LYPLAL1: variants seen among roughly 807,000 people sequenced by gnomAD.
LYPLAL1 encodes lysophospholipase like 1.
Under a neutral mutation model 19.7 loss-of-function variants are expected in LYPLAL1, and 23 were observed. That is an observed-to-expected ratio of 1.17 (90% CI 0.84 to 1.65). The LOEUF (loss-of-function observed/expected upper bound fraction) is 1.65, where lower values mean the gene tolerates loss of function less well. Ranked by LOEUF, LYPLAL1 falls within the 40% of genes most tolerant of loss-of-function variation. The pLI is 0.00. For synonymous variants in LYPLAL1, 119 were observed against 96.3 expected (o/e 1.24, Z -1.38); for missense variants, 355 against 279.4 (o/e 1.27, Z -1.93).
chr1:219,317,052 A>G, the LYPLAL1 span, among the ~76,000 whole-genome samples: 1 of 152,202 alleles, frequency 6.6e-6, no homozygotes. Flanking sequence ...ATTTTATGTT[A>G]TAGGTATTTT....
the LYPLAL1 span, among the ~76,000 whole-genome samples, chr1:219,254,258 G>A: frequency 6.6e-6 from 1 of 151,860 alleles, no homozygotes; most frequent in Non-Finnish European, 1.5e-5. Flanking sequence ...CCTTTTATTT[G>A]GGGCATTTAT....
chr1:219,252,193 A>G, the LYPLAL1 span, among the ~76,000 whole-genome samples: 5 of 152,028 alleles, frequency 3.3e-5, no homozygotes, highest in Non-Finnish European at 5.9e-5. Context: ...GGCTGAGACT[A>G]TGGGATCTTC....
chr1:219,362,153 C>T, the LYPLAL1 span, among the ~76,000 whole-genome samples: 2 of 152,056 alleles, frequency 1.3e-5, no homozygotes, highest in Non-Finnish European at 2.9e-5. Flanking sequence ...ACAACTTGTC[C>T]GAGGTAACCC....
the LYPLAL1 span, among the ~76,000 whole-genome samples, chr1:219,353,372 C>T: frequency 6.6e-6 from 1 of 152,242 alleles, no homozygotes; most frequent in African/African-American, 2.4e-5. Context: ...GCCATAGACA[C>T]AGTGAGAAAC....
chr1:219,320,968 G>A, the LYPLAL1 span, among the ~76,000 whole-genome samples: 9 of 152,294 alleles, frequency 5.9e-5, no homozygotes, highest in African/African-American at 1.7e-4. Flanking sequence ...TAATGGGATG[G>A]CTGGGTCAAA....
chr1:219,203,667 A>C (rs1346563531), intron 3 of LYPLAL1, among the ~76,000 whole-genome samples: 3 of 152,230 alleles, frequency 2.0e-5, no homozygotes, highest in Non-Finnish European at 4.4e-5. Context: ...CAAGGGACAC[A>C]TTAAATCCTT....
the LYPLAL1 span, among the ~76,000 whole-genome samples, chr1:219,377,338 G>A: frequency 6.6e-6 from 1 of 152,212 alleles, no homozygotes; most frequent in Non-Finnish European, 1.5e-5. Context: ...TAGAGAGAGT[G>A]AGGAATGGGG....
At chr1:219,350,546 C>G in the LYPLAL1 span, among the ~76,000 whole-genome samples, 246 of 152,268 alleles carry the variant, frequency 1.6e-3, no homozygotes, top group African/African-American at 5.5e-3. Flanking sequence ...TCACTGGGTT[C>G]AGGGAAACAT....
the LYPLAL1 span, among the ~76,000 whole-genome samples, chr1:219,269,137 G>A: frequency 1.8e-4 from 27 of 152,218 alleles, no homozygotes; most frequent in Admixed American, 1.2e-3. Flanking sequence ...TATGAATGGA[G>A]AGACTGGAGA....
the LYPLAL1 span, among the ~76,000 whole-genome samples, chr1:219,355,472 C>T: frequency 6.6e-6 from 1 of 152,024 alleles, no homozygotes. Flanking sequence ...ATGCATTACA[C>T]ACTCTGTTAA....
At chr1:219,238,928 T>A in the LYPLAL1 span, among the ~76,000 whole-genome samples, 1 of 152,202 alleles carries the variant, frequency 6.6e-6, no homozygotes, top group Non-Finnish European at 1.5e-5. Flanking sequence ...AAGATACTAT[T>A]TTTAAAATAT....
the LYPLAL1 span, among the ~76,000 whole-genome samples, chr1:219,352,440 C>T: frequency 1.3e-5 from 2 of 152,144 alleles, no homozygotes; most frequent in African/African-American, 4.8e-5. Context: ...ATGGCGTGAA[C>T]CCGGGAGGTG....
At chr1:219,393,004 C>A in the LYPLAL1 span, among the ~76,000 whole-genome samples, 1 of 152,144 alleles carries the variant, frequency 6.6e-6, no homozygotes, top group Non-Finnish European at 1.5e-5. Flanking sequence ...GTCTATTGGT[C>A]AGACAGATTT....
At chr1:219,380,163 G>T in the LYPLAL1 span, among the ~76,000 whole-genome samples, 1 of 152,232 alleles carries the variant, frequency 6.6e-6, no homozygotes, top group African/African-American at 2.4e-5. Flanking sequence ...GTTAAATAAT[G>T]TGTCAGTTGG....
At chr1:219,390,812 G>A in the LYPLAL1 span, among the ~76,000 whole-genome samples, 3 of 151,990 alleles carry the variant, frequency 2.0e-5, no homozygotes, top group Admixed American at 2.0e-4. Flanking sequence ...GCTGTCTTTT[G>A]TTATAGGGGT....
the LYPLAL1 span, among the ~76,000 whole-genome samples, chr1:219,379,161 G>A: frequency 1.3e-5 from 2 of 152,150 alleles, no homozygotes; most frequent in Non-Finnish European, 2.9e-5. Context: ...GGGGATTTTG[G>A]TGACTTCTGT....
chr1:219,222,210 G>A, the LYPLAL1 span: 1 of 152,142 alleles, frequency 6.6e-6, no homozygotes, highest in Non-Finnish European at 1.5e-5. Flanking sequence ...TCTCCATGAA[G>A]GAGAGTGACA....
intron 2 of LYPLAL1, among the ~76,000 whole-genome samples, chr1:219,187,185 T>C (rs1417676385): frequency 6.6e-6 from 1 of 151,734 alleles, no homozygotes; most frequent in African/African-American, 2.4e-5. Context: ...TTTAAACAGC[T>C]TAAGAGGAGA....
At chr1:219,439,334 GAC>G in the LYPLAL1 span, among the ~76,000 whole-genome samples, 1 of 152,006 alleles carries the variant, frequency 6.6e-6, no homozygotes, top group African/African-American at 2.4e-5. Context: ...GTTTTTTGAG[GAC>G]CAGAGTTGCC....
Sources: allele counts gnomAD v4.1 joint callset (sites outside exome capture counted in the v4.1 genomes callset), GRCh38; gene constraint gnomAD v4.1.1; transcripts MANE v1.5; gene names NCBI Gene and HGNC (gene_info 2026-07-23, HGNC 2026-07-21).